The following LAMA3 variants were observed in gnomAD, a reference collection of about 807,000 sequenced individuals.
The protein encoded by LAMA3 is laminin subunit alpha-3.
A neutral mutation model predicts 402.0 loss-of-function variants in LAMA3; 281 were observed. The ratio of observed to expected loss-of-function variants is 0.70; its 90% CI spans 0.63 to 0.77. The LOEUF is 0.77. Among genes scored for constraint, LAMA3 ranks in the 30% least tolerant of loss-of-function variants. LAMA3 has a pLI of 0.00. For missense variants in LAMA3, 3,840 were observed against 4,215.5 expected (o/e 0.91, Z 2.47); for synonymous variants, 1,431 against 1,558.4 (o/e 0.92, Z 1.93).
At chr18:23,875,406 A>G (rs547795839) in intron 38 of LAMA3, among the ~76,000 whole-genome samples, 16 of 152,326 alleles carry the variant, frequency 1.1e-4, no homozygotes, top group African/African-American at 3.8e-4. Context: ...GAGAGAGATA[A>G]TATACAGGAG....
intron 12 of LAMA3, among the ~76,000 whole-genome samples, chr18:23,794,864 T>C (rs942332820): frequency 1.7e-4 from 26 of 152,370 alleles, no homozygotes; most frequent in Middle Eastern, 3.4e-3. Flanking sequence ...ATTTTTAATA[T>C]TCTGCTTATA....
At chr18:23,726,870 G>A (rs538941682) in intron 2 of LAMA3, among the ~76,000 whole-genome samples, 6 of 152,110 alleles carry the variant, frequency 3.9e-5, no homozygotes, top group African/African-American at 7.2e-5. Flanking sequence ...TGCCTGCCTC[G>A]GCCTCTGAAA....
chr18:23,851,256 AG>A (rs2063937417), intron 32 of LAMA3, among the ~76,000 whole-genome samples: 1 of 152,224 alleles, frequency 6.6e-6, no homozygotes. Flanking sequence ...GAAGGAGCTC[AG>A]GGTTCTCACC....
chr18:23,855,759 A>G (rs2144696628), intron 32 of LAMA3, among the ~76,000 whole-genome samples: 1 of 152,302 alleles, frequency 6.6e-6, no homozygotes. Flanking sequence ...CACTTCAAGC[A>G]GAACATTTAC....
intron 32 of LAMA3, among the ~76,000 whole-genome samples, chr18:23,850,862 G>T (rs555849588): frequency 1.2e-4 from 18 of 152,358 alleles, no homozygotes; most frequent in African/African-American, 4.3e-4. Context: ...AGTAAAAGCT[G>T]CAGTACTGTT....
rs2082180462 is a variant in LAMA3 at position 23,932,182 on chromosome 18, C to T, written c.8599C>T (p.Gln2867Ter). ...NSGLRLLIDD[Q>*]LLRNSKRLKH... ...CAGACTACGGCTTCTCATCGATGAC[C>T]AGCTTCTGAGAAATAGCAAAAGGCT... is the stretch of plus-strand genomic sequence containing the variant. The change falls in exon 66 of 75, where the codon CAG (glutamine) becomes TAG (stop). Residue 2867 changes from glutamine to a stop codon, truncating the protein, a stop_gained. Transcript: ENST00000313654. LOFTEE classifies it high-confidence loss of function. 1.9e-6 allele frequency: 3 copies of T among 1,614,102 alleles called. No homozygotes were observed. Among genetic ancestry groups the T allele is most frequent in the Non-Finnish European group, 2.5e-6 (3 of 1,179,950 alleles).
rs188509566 is a variant in LAMA3, at chr18:23,836,591, G to C, written c.2985-390G>C. On this transcript the variant is annotated intron_variant, in intron 24 of 74. Coordinates refer to ENST00000313654, the MANE Select transcript of LAMA3 (RefSeq NM_198129.4). Reference sequence around the variant, plus strand: ...CTGGAGGAAGGCCAGCATGCTCACTGTCTTGGCGTGGGATGGTGGCTGTGA... The same window carrying C: ...CTGGAGGAAGGCCAGCATGCTCACTCTCTTGGCGTGGGATGGTGGCTGTGA... 1.0e-3 allele frequency among the ~76,000 whole-genome samples: 152 copies of C among 152,330 alleles called. 1 individual carries two copies. The highest frequency in any genetic ancestry group is 3.5e-3 in the African/African-American group (147 of 41,564).
At chr18:23,871,368 C>T in intron 37 of LAMA3, 63 bp from the exon 38 acceptor site, 2 of 1,387,024 alleles carry the variant, frequency 1.4e-6, no homozygotes, top group Non-Finnish European at 2.1e-6. Context: ...GTGTCTGCCT[C>T]TAAGGAACCC....
intron 35 of LAMA3, 49 bp from the exon 36 acceptor site, chr18:23,864,736 A>G (rs376009258): frequency 3.3e-5 from 39 of 1,197,150 alleles, no homozygotes; most frequent in Admixed American, 2.0e-4. Context: ...TGATGTTGAC[A>G]TCATCTCTTT....
At chr18:23,889,175 C>T (rs2080552790) in intron 41 of LAMA3, among the ~76,000 whole-genome samples, 2 of 152,140 alleles carry the variant, frequency 1.3e-5, no homozygotes, top group Admixed American at 6.5e-5. Flanking sequence ...TGCCTGTAAT[C>T]CCAGCACTTT....
At chr18:23,749,325 T>C in intron 3 of LAMA3, 103 bp from the exon 4 acceptor site, 2 of 691,708 alleles carry the variant, frequency 2.9e-6, no homozygotes, top group Non-Finnish European at 5.0e-6. Context: ...TTTCTGTTTT[T>C]TCTTTCTTTG....
At chr18:23,785,906 C>T (rs981202269) in intron 12 of LAMA3, among the ~76,000 whole-genome samples, 1 of 152,174 alleles carries the variant, frequency 6.6e-6, no homozygotes, top group Admixed American at 6.5e-5. Context: ...TTTAAGAATG[C>T]TCTTTTCCAC....
rs765803750 is a variant in LAMA3, at chr18:23,943,818, A to G, written c.9057A>G (p.Thr3019=). 2.5e-6 allele frequency: 4 copies of G among 1,614,006 alleles called. No individual in the cohort carries two copies. In the South Asian group the frequency reaches 4.4e-5, roughly 18 times the overall value. ...RSQFAVDMQT[T]SSRGLVFHTG... Reference sequence around the variant, plus strand: ...AGTTTGCTGTGGACATGCAGACAACATCCTCCAGAGGACTGGTGTTTCACA... The same window carrying G: ...AGTTTGCTGTGGACATGCAGACAACGTCCTCCAGAGGACTGGTGTTTCACA... Residue 3019 remains threonine (T), a synonymous_variant, in exon 69 of 75, where the codon ACA becomes ACG. Transcript: ENST00000313654.
In LAMA3 at chr18:23,907,849, A is replaced by C; in HGVS notation, c.6929A>C (p.Gln2310Pro). ...GTTCTGGATGGGCTCAACCCCATCC[A>C]GACAGATGTGGAAAGAATTAAGGAC... Reference protein sequence around the residue: ...DEVLDGLNPIQTDVERIKDTY... With the variant: ...DEVLDGLNPIPTDVERIKDTY... The change falls in exon 54 of 75, where the codon CAG becomes CCG. Residue 2310 changes from glutamine to proline, a missense_variant. Physicochemically the swap from Gln to Pro is moderately conservative, Grantham distance 76. This residue lies in a region of LAMA3 where 891 missense variants were observed against 857.5 expected (regional missense o/e 1.04). Transcript: ENST00000313654. 1 of 1,614,174 alleles carries C rather than the reference A, an allele frequency of 6.2e-7. No homozygotes were observed. The highest frequency in any genetic ancestry group is 2.2e-5 in the East Asian group (1 of 44,872).
intron 6 of LAMA3, among the ~76,000 whole-genome samples, chr18:23,754,099 T>TA (rs1158359648): frequency 6.6e-6 from 1 of 152,182 alleles, no homozygotes; most frequent in South Asian, 2.1e-4. Context: ...AGCCAATTGA[T>TA]TAGAGCTGGC....
intron 47 of LAMA3, among the ~76,000 whole-genome samples, chr18:23,900,522 T>C (rs533212109): frequency 6.6e-6 from 1 of 152,274 alleles, no homozygotes; most frequent in South Asian, 2.1e-4. Flanking sequence ...ATGTTCAAAT[T>C]TGTATTACAA....
At chr18:23,755,867 A>G (rs2061833470) in intron 6 of LAMA3, among the ~76,000 whole-genome samples, 1 of 152,200 alleles carries the variant, frequency 6.6e-6, no homozygotes, top group South Asian at 2.1e-4. Flanking sequence ...TAAATAACAT[A>G]TTTACAGCAG....
chr18:23,899,217 CTT>C (rs34000707), intron 46 of LAMA3, 69 bp from the exon 47 acceptor site: 1,272 of 1,125,480 alleles, frequency 1.1e-3, no homozygotes, highest in Non-Finnish European at 1.4e-3. Flanking sequence ...AAGTTTCTAC[CTT>C]TTTTTTTTTT....
chr18:23,867,804 A>G lies in LAMA3; in HGVS notation c.4684-30A>G, dbSNP rs1033866708. 2.0e-6 allele frequency: 3 copies of G among 1,500,736 alleles called. No individual in the cohort carries two copies. The African/African-American group carries it at 4.1e-5, about 21-fold the overall frequency. 93.0% of individuals were successfully genotyped at this position (1,500,736 alleles called of 1,614,324 possible). ...AATCTTGAAAGATCCCAGTGAAGGT[A>G]CTAACACATTCATGGTTTTCTTTAA... On this transcript the variant is annotated intron_variant, in intron 36 of 74. Coordinates refer to ENST00000313654, the MANE Select transcript of LAMA3 (RefSeq NM_198129.4).
Sources: gnomAD v4.1 joint callset for allele counts (sites outside exome capture counted in the v4.1 genomes callset) on GRCh38, gnomAD v4.1.1 for gene constraint, gnomAD v4.1.1 regional missense constraint, MANE v1.5 for transcripts, NCBI Gene and HGNC (gene_info 2026-07-23, HGNC 2026-07-21) for gene names.